Variants in CADM2 observed in about 807,000 individuals in gnomAD.
The protein encoded by CADM2 is cell adhesion molecule 2.
CADM2 carries 12 observed loss-of-function variants against 49.8 expected under a neutral mutation model. The observed-to-expected ratio is 0.24, with a 90% CI of 0.15 to 0.39. The LOEUF (loss-of-function observed/expected upper bound fraction) is 0.39. Ranked by LOEUF, CADM2 falls within the 10% of genes least tolerant of loss-of-function variation. The pLI is 1.00. For missense variants in CADM2, 378 were observed against 492.3 expected, an observed-to-expected ratio of 0.77 and a Z score of 2.20; for synonymous variants, 214 against 175.4, an observed-to-expected ratio of 1.22 and a Z score of -1.74.
At chr3:85,976,428 A>G (rs1726792338) in intron 8 of CADM2, among the ~76,000 whole-genome samples, 1 of 151,592 alleles carries the variant, frequency 6.6e-6, no homozygotes, top group South Asian at 2.1e-4. Flanking sequence ...TTGATCTTAC[A>G]TCGTTCAATT....
chr3:85,515,082 T>C (rs959772722), intron 1 of CADM2, among the ~76,000 whole-genome samples: 3 of 152,132 alleles, frequency 2.0e-5, no homozygotes, highest in African/African-American at 7.2e-5. Context: ...AATTAGGCTG[T>C]TTTATACCCT....
At chr3:84,964,553 T>C (rs2030824027) in intron 1 of CADM2, among the ~76,000 whole-genome samples, 2 of 152,184 alleles carry the variant, frequency 1.3e-5, no homozygotes, top group Admixed American at 1.3e-4. Flanking sequence ...ACCTATTCTG[T>C]AGCAGCTAGC....
chr3:86,050,645 C>G (rs1277440062), intron 8 of CADM2, among the ~76,000 whole-genome samples: 1 of 152,216 alleles, frequency 6.6e-6, no homozygotes, highest in Admixed American at 6.5e-5. Flanking sequence ...AGCTCCCAAG[C>G]CTCAAATCTT....
intron 1 of CADM2, among the ~76,000 whole-genome samples, chr3:85,530,705 C>G (rs2061286763): frequency 6.6e-6 from 1 of 151,980 alleles, no homozygotes; most frequent in African/African-American, 2.4e-5. Context: ...CAGATAGGGA[C>G]CATGTTTGTT....
intron 8 of CADM2, among the ~76,000 whole-genome samples, chr3:86,016,245 C>A (rs1732213084): frequency 6.6e-6 from 1 of 151,916 alleles, no homozygotes; most frequent in South Asian, 2.1e-4. Context: ...ATATATAAAA[C>A]ATGTTATATA....
chr3:85,929,687 G>A (rs1720355066), intron 6 of CADM2, among the ~76,000 whole-genome samples: 1 of 151,914 alleles, frequency 6.6e-6, no homozygotes. Context: ...AATATAAATA[G>A]TTTGAAGACA....
chr3:85,760,522 C>T (rs1356720094), intron 2 of CADM2, among the ~76,000 whole-genome samples: 1 of 152,098 alleles, frequency 6.6e-6, no homozygotes, highest in East Asian at 1.9e-4. Context: ...ACTTTAGCAC[C>T]TTAACATAGT....
At chr3:85,205,454 T>C (rs989109851) in intron 1 of CADM2, among the ~76,000 whole-genome samples, 1 of 152,202 alleles carries the variant, frequency 6.6e-6, no homozygotes, top group African/African-American at 2.4e-5. Context: ...GTAATTCTTT[T>C]AGATTTTTCT....
chr3:85,419,164 A>C (rs1260945268), intron 1 of CADM2, among the ~76,000 whole-genome samples: 2 of 152,102 alleles, frequency 1.3e-5, no homozygotes, highest in Non-Finnish European at 2.9e-5. Flanking sequence ...TGAATAAAAC[A>C]TGCAGTGAGG....
chr3:85,709,987 T>C (rs1006761855), intron 1 of CADM2, among the ~76,000 whole-genome samples: 1 of 152,118 alleles, frequency 6.6e-6, no homozygotes, highest in Non-Finnish European at 1.5e-5. Context: ...GCCTGGAAAG[T>C]GTGTTACCTG....
intron 1 of CADM2, among the ~76,000 whole-genome samples, chr3:85,589,586 T>C (rs1157104400): frequency 6.6e-6 from 1 of 152,004 alleles, no homozygotes; most frequent in East Asian, 1.9e-4. Context: ...ATAAATATGG[T>C]AACACCTGGA....
At chr3:85,916,011 G>C (rs777220395) in intron 6 of CADM2, among the ~76,000 whole-genome samples, 5 of 152,210 alleles carry the variant, frequency 3.3e-5, no homozygotes, top group Non-Finnish European at 7.4e-5. Context: ...AAAAAGTATA[G>C]TAGGAGGACT....
intron 1 of CADM2, among the ~76,000 whole-genome samples, chr3:85,591,252 A>C (rs181887799): frequency 1.1e-3 from 166 of 152,100 alleles, no homozygotes; most frequent in African/African-American, 3.8e-3. Context: ...GCACTCCAGA[A>C]ATCTGTGAAA....
chr3:85,363,803 A>G (rs940178194), intron 1 of CADM2, among the ~76,000 whole-genome samples: 6 of 149,968 alleles, frequency 4.0e-5, no homozygotes, highest in Admixed American at 6.7e-5. Context: ...AGTAGAGACG[A>G]TGTTTCACCG....
intron 6 of CADM2, among the ~76,000 whole-genome samples, chr3:85,930,657 A>AG (rs1720471702): frequency 6.6e-6 from 1 of 151,930 alleles, no homozygotes; most frequent in South Asian, 2.1e-4. Context: ...TATGATTACG[A>AG]GTTGAATTGA....
intron 8 of CADM2, among the ~76,000 whole-genome samples, chr3:86,062,010 A>AT (rs1021566852): frequency 8.6e-5 from 13 of 151,818 alleles, no homozygotes; most frequent in African/African-American, 3.1e-4. Flanking sequence ...AATTTGTACA[A>AT]TTTTTTGGCA....
intron 1 of CADM2, among the ~76,000 whole-genome samples, chr3:85,626,178 T>G (rs1400651246): frequency 1.3e-5 from 2 of 151,980 alleles, no homozygotes; most frequent in African/African-American, 2.4e-5. Flanking sequence ...GATTTGAAAT[T>G]GCAGTGTGCT....
intron 1 of CADM2, among the ~76,000 whole-genome samples, chr3:85,097,938 G>T (rs889491371): frequency 6.6e-6 from 1 of 152,106 alleles, no homozygotes; most frequent in Non-Finnish European, 1.5e-5. Flanking sequence ...CTCCAATTTA[G>T]TGGAATATAA....
chr3:85,831,096 T>C (rs554904542), intron 3 of CADM2, among the ~76,000 whole-genome samples: 6 of 151,920 alleles, frequency 3.9e-5, no homozygotes, highest in African/African-American at 1.2e-4. Flanking sequence ...TGGTATTTGG[T>C]TTTCTGTTCC....
Sources: gnomAD v4.1 joint callset for allele counts (sites outside exome capture counted in the v4.1 genomes callset) on GRCh38, gnomAD v4.1.1 for gene constraint, MANE v1.5 for transcripts, NCBI Gene and HGNC (gene_info 2026-07-23, HGNC 2026-07-21) for gene names.